The following SUGCT variants were observed in gnomAD, a reference collection of about 807,000 sequenced individuals.
SUGCT encodes succinyl-CoA:glutarate-CoA transferase, also known as succinyl-CoA:glutarate CoA-transferase.
In SUGCT, 41 loss-of-function variants were observed where a neutral mutation model predicts 55.0. That is an observed-to-expected ratio of 0.74 (90% CI 0.58 to 0.97). The LOEUF (loss-of-function observed/expected upper bound fraction) is 0.97. Among genes scored for constraint, SUGCT ranks in the 50% least tolerant of loss-of-function variants. SUGCT has a pLI of 0.00. For missense variants in SUGCT, 568 were observed against 547.8 expected, an observed-to-expected ratio of 1.04 and a Z score of -0.37; for synonymous variants, 187 against 200.4, an observed-to-expected ratio of 0.93 and a Z score of 0.56.
chr7:41,033,094 A>G, the SUGCT span, among the ~76,000 whole-genome samples: 2 of 152,170 alleles, frequency 1.3e-5, no homozygotes, highest in Admixed American at 1.3e-4. Context: ...CCTGTTTTGT[A>G]TGGCCTAATG....
At chr7:40,718,223 C>T (rs1000489381) in intron 12 of SUGCT, among the ~76,000 whole-genome samples, 2 of 152,284 alleles carry the variant, frequency 1.3e-5, no homozygotes, top group South Asian at 2.1e-4. Flanking sequence ...CTATTTGTGT[C>T]TCATATGTGT....
At chr7:40,582,050 G>A (rs1208038417) in intron 12 of SUGCT, among the ~76,000 whole-genome samples, 1 of 152,058 alleles carries the variant, frequency 6.6e-6, no homozygotes, top group Admixed American at 6.6e-5. Flanking sequence ...ACAGGGACAT[G>A]CACAATCTCA....
At chr7:40,659,286 G>A (rs936248774) in intron 12 of SUGCT, among the ~76,000 whole-genome samples, 1 of 152,174 alleles carries the variant, frequency 6.6e-6, no homozygotes, top group Non-Finnish European at 1.5e-5. Flanking sequence ...GTCATGTGGA[G>A]GTGTAGTCAT....
At chr7:40,551,737 A>C (rs1360704408) in intron 12 of SUGCT, among the ~76,000 whole-genome samples, 1 of 152,238 alleles carries the variant, frequency 6.6e-6, no homozygotes. Context: ...TGGTAGGATA[A>C]GTGTCACAAT....
At chr7:40,727,923 C>T (rs1414376717) in intron 12 of SUGCT, among the ~76,000 whole-genome samples, 1 of 151,988 alleles carries the variant, frequency 6.6e-6, no homozygotes, top group East Asian at 1.9e-4. Flanking sequence ...TTACTATTTC[C>T]TCACTGTTCT....
At chr7:40,504,955 TTG>T (rs1562823444) in intron 12 of SUGCT, among the ~76,000 whole-genome samples, 1 of 152,234 alleles carries the variant, frequency 6.6e-6, no homozygotes, top group African/African-American at 2.4e-5. Flanking sequence ...AAAACATACT[TTG>T]TGTGATTTCA....
chr7:40,784,204 T>C (rs964667679), intron 13 of SUGCT, among the ~76,000 whole-genome samples: 1 of 151,984 alleles, frequency 6.6e-6, no homozygotes, highest in South Asian at 2.1e-4. Flanking sequence ...TTTGGAGCCA[T>C]TTTGTGTGTG....
Position 40,181,163 on chromosome 7 carries a change from T to C in SUGCT, c.152+165T>C, listed in dbSNP as rs572611803. Among the ~76,000 whole-genome samples, 6 of 152,222 alleles carry C rather than the reference T, an allele frequency of 3.9e-5. No homozygotes were observed. In the South Asian group the frequency reaches 1.2e-3, roughly 32 times the overall value. On this transcript the variant is annotated intron_variant, in intron 2 of 13. Coordinates refer to ENST00000335693, the MANE Select transcript of SUGCT (RefSeq NM_001193313.2). ...TAATATCATCATTCTATGAGACAAT[T>C]AGTGTAGTATTTATGCCTTTTCCCA...
chr7:40,266,185 C>CTTTTTTT (rs10685507), intron 7 of SUGCT, among the ~76,000 whole-genome samples: 2 of 116,822 alleles, frequency 1.7e-5, no homozygotes, highest in Non-Finnish European at 3.4e-5. Flanking sequence ...CTTTCCTTTC[C>CTTTTTTT]TTTTTTTTTT....
intron 12 of SUGCT, among the ~76,000 whole-genome samples, chr7:40,727,791 T>C (rs1431229300): frequency 2.6e-5 from 4 of 152,160 alleles, no homozygotes; most frequent in Admixed American, 2.6e-4. Flanking sequence ...AAGAAAGAAG[T>C]GTTAATTTCC....
chr7:40,793,983 A>G (rs1191307091), intron 13 of SUGCT, among the ~76,000 whole-genome samples: 2 of 151,744 alleles, frequency 1.3e-5, no homozygotes, highest in East Asian at 3.9e-4. Flanking sequence ...CTTATTTCTA[A>G]AAGTTATGTT....
intron 12 of SUGCT, among the ~76,000 whole-genome samples, chr7:40,671,927 G>A (rs1321140686): frequency 6.6e-6 from 1 of 152,098 alleles, no homozygotes; most frequent in Non-Finnish European, 1.5e-5. Context: ...CGTCTACTTG[G>A]TTTCAAGACT....
chr7:40,167,269 ACT>A (rs1217872736), intron 1 of SUGCT, among the ~76,000 whole-genome samples: 2 of 152,194 alleles, frequency 1.3e-5, no homozygotes, highest in Non-Finnish European at 2.9e-5. Flanking sequence ...AAAAATACAT[ACT>A]GTTTTTCATT....
chr7:40,231,235 C>T lies in SUGCT; in HGVS notation c.485-6400C>T, dbSNP rs367989844. Among the ~76,000 whole-genome samples, 183 of 152,250 alleles carry T rather than the reference C, an allele frequency of 1.2e-3. 3 individuals carry two copies. In the South Asian group the frequency reaches 0.037, roughly 31 times the overall value. Reference sequence around the variant, plus strand: ...ATCTCTGTCCTATAGCCGGTTGTAACAAGTGTTGTTTTTATTCCCAGACTT... The same window carrying T: ...ATCTCTGTCCTATAGCCGGTTGTAATAAGTGTTGTTTTTATTCCCAGACTT... On this transcript the variant is annotated intron_variant, in intron 6 of 13. Transcript: ENST00000335693.
chr7:40,376,971 G>A (rs1005763633), intron 9 of SUGCT, among the ~76,000 whole-genome samples: 2 of 150,984 alleles, frequency 1.3e-5, no homozygotes, highest in African/African-American at 4.9e-5. Context: ...TAAAAATTTT[G>A]TGCCAATTTC....
chr7:40,639,435 T>A (rs546296072), intron 12 of SUGCT, among the ~76,000 whole-genome samples: 35 of 152,312 alleles, frequency 2.3e-4, no homozygotes, highest in Admixed American at 4.6e-4. Context: ...AATATCTAAC[T>A]TGAGACGGTC....
chr7:40,417,320 T>C (rs541341481), intron 9 of SUGCT, among the ~76,000 whole-genome samples: 1 of 152,094 alleles, frequency 6.6e-6, no homozygotes, highest in African/African-American at 2.4e-5. Flanking sequence ...TTTTTCTTTT[T>C]TAGTAATGAT....
chr7:40,207,344 C>A lies in SUGCT; in HGVS notation c.484+12284C>A, dbSNP rs372600166. Among the ~76,000 whole-genome samples, 90 of 152,206 alleles carry A rather than the reference C, an allele frequency of 5.9e-4. 2 individuals are homozygous for A. The South Asian group carries it at 0.017, about 29-fold the overall frequency. On this transcript the variant is annotated intron_variant, in intron 6 of 13. Transcript: ENST00000335693. ...CATCATTAGCCATTAGGGAGATGCA[C>A]ACCAAAACCACAACGAGATACCTAC...
chr7:40,531,611 C>T (rs189614218), intron 12 of SUGCT, among the ~76,000 whole-genome samples: 2 of 139,082 alleles, frequency 1.4e-5, no homozygotes, highest in East Asian at 1.9e-4. Flanking sequence ...TCTTCACAGC[C>T]ATGTGTTTAA....
Sources: allele counts gnomAD v4.1 joint callset (sites outside exome capture counted in the v4.1 genomes callset), GRCh38; gene constraint gnomAD v4.1.1; transcripts MANE v1.5; gene names NCBI Gene and HGNC (gene_info 2026-07-23, HGNC 2026-07-21).